The following ARID1B variants were observed in gnomAD, a reference collection of about 807,000 sequenced individuals.
ARID1B encodes AT-rich interactive domain-containing protein 1B.
Under a neutral mutation model 212.3 loss-of-function variants are expected in ARID1B, and 30 were observed. That is an observed-to-expected ratio of 0.14 (90% CI 0.11 to 0.19). The LOEUF is 0.19. Ranked by LOEUF, ARID1B falls within the 10% of genes least tolerant of loss-of-function variation. The probability of loss-of-function intolerance (pLI) is 1.00; values close to 1 mark genes in which losing one functional copy is unlikely to be tolerated. For missense variants in ARID1B, 2,891 were observed against 3,204.0 expected (o/e 0.90, Z 2.36); for synonymous variants, 1,402 against 1,301.7 (o/e 1.08, Z -1.66).
intron 13 of ARID1B, chr6:157,186,440 AG>A: frequency 2.1e-6 from 1 of 471,096 alleles, no homozygotes; most frequent in Non-Finnish European, 4.4e-6. Context: ...GAGCGCGTGC[AG>A]GGGGCTCCAG....
intron 9 of ARID1B, chr6:157,170,193 G>A (rs1791620136): frequency 6.6e-6 from 1 of 152,206 alleles, no homozygotes; most frequent in Non-Finnish European, 1.5e-5. Context: ...CGCCAATGTG[G>A]AGGTATTTTG....
intron 4 of ARID1B, among the ~76,000 whole-genome samples, chr6:157,012,079 TTATGA>T (rs1779647504): frequency 6.6e-6 from 1 of 152,238 alleles, no homozygotes. Flanking sequence ...TGTTCAAGAA[TTATGA>T]TAAGATGAAC....
Position 156,778,504 on chromosome 6 carries a change from TGGG to T in ARID1B, c.827_829del (p.Gly276del), listed in dbSNP as rs1475112235. The T allele has an allele frequency of 8.0e-7, 1 of 1,243,928 alleles. No individual in the cohort carries two copies. The highest frequency in any genetic ancestry group is 1.6e-5 in the African/African-American group (1 of 63,286). 77.1% of individuals were successfully genotyped at this position (1,243,928 alleles called of 1,614,324 possible). The stretch of plus-strand genomic sequence containing the variant: ...GACGAGGACGACGCGCCGCCCAAGA[TGGG>T]GGAGCCGGCGGGCGGCCGCTACGAG... On this transcript the variant is annotated inframe_deletion, in exon 1 of 20. Coordinates refer to ENST00000636930, the MANE Select transcript of ARID1B (RefSeq NM_001374828.1).
At chr6:156,915,292 C>T (rs113588399) in intron 3 of ARID1B, among the ~76,000 whole-genome samples, 22,385 of 152,164 alleles carry the variant, frequency 0.15, 2,092 homozygotes, top group Non-Finnish European at 0.2. Context: ...TTAGGCCAGG[C>T]GCAGTGGCTC....
At chr6:156,867,862 A>G (rs1368075603) in intron 2 of ARID1B, among the ~76,000 whole-genome samples, 1 of 152,224 alleles carries the variant, frequency 6.6e-6, no homozygotes, top group Non-Finnish European at 1.5e-5. Flanking sequence ...CTTTCTTTAA[A>G]AAGGCAGGTG....
At chr6:156,963,648 T>G (rs1794549817) in intron 4 of ARID1B, among the ~76,000 whole-genome samples, 1 of 152,234 alleles carries the variant, frequency 6.6e-6, no homozygotes, top group African/African-American at 2.4e-5. Flanking sequence ...CTAAGTAGTA[T>G]TTATGAAAAT....
chr6:156,997,001 C>T (rs986047437), intron 4 of ARID1B, among the ~76,000 whole-genome samples: 1 of 152,174 alleles, frequency 6.6e-6, no homozygotes, highest in Non-Finnish European at 1.5e-5. Context: ...GTATGGTATG[C>T]AGTCTGGTGA....
intron 3 of ARID1B, among the ~76,000 whole-genome samples, chr6:156,926,213 T>A (rs1042440228): frequency 2.6e-5 from 4 of 152,000 alleles, no homozygotes; most frequent in African/African-American, 9.7e-5. Flanking sequence ...GATCACTGAG[T>A]CAACAAGAAG....
chr6:157,067,656 C>T (rs1169468520), intron 4 of ARID1B, among the ~76,000 whole-genome samples: 1 of 152,168 alleles, frequency 6.6e-6, no homozygotes, highest in East Asian at 1.9e-4. Context: ...GACACTTTGT[C>T]TGCTTTCCTT....
rs983583229 is a variant in ARID1B, at chr6:157,175,093, CTTGT to C, written c.3504+91_3504+94del. On this transcript the variant is annotated intron_variant, in intron 11 of 19. Coordinates refer to ENST00000636930, the MANE Select transcript of ARID1B (RefSeq NM_001374828.1). ...TTAATTAATTCTACTTGAATGCTTGCTTGTTTATTTGTTTTGTAAGACTTTTTCT... is the reference window on the plus strand; with the variant it reads ...TTAATTAATTCTACTTGAATGCTTGCTTATTTGTTTTGTAAGACTTTTTCT... 31 of 1,095,934 alleles carry C rather than the reference CTTGT, an allele frequency of 2.8e-5. No individual in the cohort carries two copies. In the Admixed American group the frequency reaches 6.1e-4, roughly 22 times the overall value. The allele number at this position is 1,095,934 out of a possible 1,614,324, so 67.9% of individuals were successfully genotyped here.
intron 7 of ARID1B, among the ~76,000 whole-genome samples, chr6:157,146,651 C>T (rs1789747027): frequency 1.3e-5 from 2 of 151,722 alleles, no homozygotes; most frequent in African/African-American, 2.4e-5. Context: ...CACGTGCATG[C>T]ACACACACAC....
rs563169256 is a variant in ARID1B, at chr6:156,876,250, A to G, written c.1987-25126A>G. ...TGCACAGATTAATAAGTTTGTATTA[A>G]TGTTTGTAAGATGATATTGTGGTGG... is the stretch of plus-strand genomic sequence containing the variant. On this transcript the variant is annotated intron_variant, in intron 2 of 19. Transcript: ENST00000636930. Among the ~76,000 whole-genome samples, 7 of 152,352 alleles carry G rather than the reference A, an allele frequency of 4.6e-5. No individual in the cohort carries two copies. In the South Asian group the frequency reaches 1.4e-3, roughly 32 times the overall value.
intron 4 of ARID1B, among the ~76,000 whole-genome samples, chr6:157,029,125 G>T (rs1347488860): frequency 6.6e-6 from 1 of 152,100 alleles, no homozygotes; most frequent in Non-Finnish European, 1.5e-5. Context: ...GGAATTTAAG[G>T]TCTACTCTTG....
chr6:156,911,917 T>C (rs1156457367), intron 3 of ARID1B, among the ~76,000 whole-genome samples: 1 of 152,174 alleles, frequency 6.6e-6, no homozygotes, highest in Non-Finnish European at 1.5e-5. Flanking sequence ...CCACTTTAAA[T>C]AACATGCTCA....
Position 156,779,190 on chromosome 6 carries a change from C to A in ARID1B, c.1510C>A (p.Gln504Lys). Residue 504 changes from glutamine (Q) to lysine (K), a missense_variant, in exon 1 of 20, where the codon CAG becomes AAG. This residue lies in a region of ARID1B where 1,643 missense variants were observed against 1,544.0 expected (regional missense o/e 1.06). Coordinates refer to ENST00000636930, the MANE Select transcript of ARID1B (RefSeq NM_001374828.1). ...GTCGGGGGCCACCCCGACCCTCAAT[C>A]AGCTGCTCACCTCGCCCAGCCCCAT... is the stretch of plus-strand genomic sequence containing the variant. Reference protein sequence around the residue: ...HPSGATPTLNQLLTSPSPMMR... With the variant: ...HPSGATPTLNKLLTSPSPMMR... The A allele has an allele frequency of 7.4e-7, 1 of 1,345,988 alleles. No individual in the cohort carries two copies. The highest frequency in any genetic ancestry group is 3.0e-5 in the East Asian group (1 of 32,848). The allele number at this position is 1,345,988 out of a possible 1,614,324, so 83.4% of individuals were successfully genotyped here. A position where few individuals can be genotyped will look rare whatever the true frequency, so the allele number is the denominator to read the frequency against.
At chr6:157,071,570 G>A (rs1055249811) in intron 4 of ARID1B, 1 of 152,178 alleles carries the variant, frequency 6.6e-6, no homozygotes, top group Non-Finnish European at 1.5e-5. Context: ...GGAGACCATT[G>A]ACAAGATTGT....
intron 2 of ARID1B, among the ~76,000 whole-genome samples, chr6:156,832,103 C>T (rs528738330): frequency 1.2e-3 from 190 of 152,172 alleles, no homozygotes; most frequent in African/African-American, 4.5e-3. Context: ...TTTTATAATA[C>T]CAAGGTCATG....
intron 16 of ARID1B, chr6:157,198,544 C>T: frequency 2.2e-6 from 1 of 446,224 alleles, no homozygotes; most frequent in Non-Finnish European, 4.1e-6. Flanking sequence ...TTACAGGGTG[C>T]CTGCCTGCTC....
chr6:156,879,547 AC>A (rs1786871207), intron 2 of ARID1B, among the ~76,000 whole-genome samples: 1 of 152,236 alleles, frequency 6.6e-6, no homozygotes, highest in African/African-American at 2.4e-5. Context: ...ATAGATGAGC[AC>A]TTTAAAAGAT....
Sources: allele counts gnomAD v4.1 joint callset (sites outside exome capture counted in the v4.1 genomes callset), GRCh38; gene constraint gnomAD v4.1.1; regional missense constraint gnomAD v4.1.1; transcripts MANE v1.5; gene names NCBI Gene and HGNC (gene_info 2026-07-23, HGNC 2026-07-21).